Variants in CATSPERT observed in about 807,000 individuals in gnomAD.
CATSPERT encodes the protein cation channel sperm-associated targeting subunit tau.
the CATSPERT span, among the ~76,000 whole-genome samples, chr2:201,591,893 A>G: frequency 2.6e-5 from 4 of 151,728 alleles, no homozygotes; most frequent in Non-Finnish European, 5.9e-5. Flanking sequence ...GGGCTGAGAC[A>G]ATGGGGTTTT....
chr2:201,549,245 A>C, the CATSPERT span, among the ~76,000 whole-genome samples: 1 of 152,134 alleles, frequency 6.6e-6, no homozygotes, highest in African/African-American at 2.4e-5. Context: ...GTAAGACCTT[A>C]CACTTCTGGT....
chr2:201,589,244 A>G, the CATSPERT span, among the ~76,000 whole-genome samples: 2 of 152,096 alleles, frequency 1.3e-5, no homozygotes, highest in African/African-American at 2.4e-5. Context: ...TCAAAGAACT[A>G]GAGAAAACTA....
At chr2:201,590,183 T>A in the CATSPERT span, among the ~76,000 whole-genome samples, 4 of 149,200 alleles carry the variant, frequency 2.7e-5, no homozygotes, top group Non-Finnish European at 4.5e-5. Context: ...CCCCTTCCTG[T>A]GTCCATGTGT....
At chr2:201,614,740 G>C in the CATSPERT span, among the ~76,000 whole-genome samples, 11 of 152,090 alleles carry the variant, frequency 7.2e-5, no homozygotes, top group South Asian at 1.0e-3. Flanking sequence ...GGGCTAAATG[G>C]TCCAATTAAA....
At chr2:201,513,978 T>C in the CATSPERT span, among the ~76,000 whole-genome samples, 1 of 152,098 alleles carries the variant, frequency 6.6e-6, no homozygotes, top group Non-Finnish European at 1.5e-5. Context: ...GAAAGATAAA[T>C]AAGAATGTGT....
the CATSPERT span, among the ~76,000 whole-genome samples, chr2:201,616,048 A>G: frequency 4.7e-4 from 71 of 152,352 alleles, no homozygotes; most frequent in Non-Finnish European, 9.6e-4. Context: ...CAGGTTCTGA[A>G]ATTGAGACAA....
the CATSPERT span, among the ~76,000 whole-genome samples, chr2:201,549,253 G>C: frequency 6.6e-6 from 1 of 151,740 alleles, no homozygotes; most frequent in African/African-American, 2.4e-5. Flanking sequence ...TTACACTTCT[G>C]GTCCACTACA....
the CATSPERT span, chr2:201,604,692 C>T: frequency 6.3e-7 from 1 of 1,591,218 alleles, no homozygotes; most frequent in Non-Finnish European, 8.5e-7. Context: ...GAGTTTTTCT[C>T]AGCATCTACA....
chr2:201,608,813 T>C, the CATSPERT span, among the ~76,000 whole-genome samples: 1 of 131,980 alleles, frequency 7.6e-6, no homozygotes, highest in East Asian at 2.1e-4. Flanking sequence ...TAAGATCCTG[T>C]CTCAAAAAAA....
chr2:201,521,229 T>A, the CATSPERT span, among the ~76,000 whole-genome samples: 1 of 152,182 alleles, frequency 6.6e-6, no homozygotes, highest in African/African-American at 2.4e-5. Flanking sequence ...CAGATAAAAC[T>A]CTTTGTATTA....
At chr2:201,591,816 G>A in the CATSPERT span, among the ~76,000 whole-genome samples, 6 of 151,922 alleles carry the variant, frequency 3.9e-5, no homozygotes, top group Admixed American at 6.6e-5. Context: ...GAATGCTTGC[G>A]ATTTTTGTAC....
chr2:201,494,125 T>C, the CATSPERT span: 1 of 1,534,012 alleles, frequency 6.5e-7, no homozygotes, highest in East Asian at 2.4e-5. Flanking sequence ...TAAAATGTCT[T>C]TTTCTGAAAG....
At chr2:201,499,036 C>G in the CATSPERT span, among the ~76,000 whole-genome samples, 14 of 151,966 alleles carry the variant, frequency 9.2e-5, no homozygotes, top group African/African-American at 3.1e-4. Context: ...GCCATCCTAC[C>G]TGCCATCTTC....
chr2:201,534,624 G>A, the CATSPERT span: 20 of 984,956 alleles, frequency 2.0e-5, no homozygotes, highest in African/African-American at 2.8e-4. Context: ...GCAAAAAAAA[G>A]TGTTAATCAT....
the CATSPERT span, among the ~76,000 whole-genome samples, chr2:201,576,261 A>C: frequency 2.0e-5 from 3 of 152,238 alleles, no homozygotes; most frequent in African/African-American, 7.2e-5. Context: ...AAATAAAAAA[A>C]TAAAGACTAT....
At chr2:201,518,894 G>C in the CATSPERT span, among the ~76,000 whole-genome samples, 1 of 152,132 alleles carries the variant, frequency 6.6e-6, no homozygotes, top group Non-Finnish European at 1.5e-5. Context: ...TCTGGAAGGG[G>C]ACATGGAGAC....
chr2:201,574,513 AT>A, the CATSPERT span, among the ~76,000 whole-genome samples: 1 of 152,192 alleles, frequency 6.6e-6, no homozygotes, highest in Non-Finnish European at 1.5e-5. Context: ...AATATGGAAA[AT>A]ATCAACTTCT....
chr2:201,558,207 G>A, the CATSPERT span: 5 of 152,016 alleles, frequency 3.3e-5, no homozygotes, highest in Admixed American at 6.5e-5. Flanking sequence ...TAATTAATTC[G>A]CTAAATGTTT....
At chr2:201,532,972 C>A in the CATSPERT span, among the ~76,000 whole-genome samples, 385 of 152,230 alleles carry the variant, frequency 2.5e-3, 1 homozygote, top group African/African-American at 9.0e-3. Context: ...CTCAGCTAGA[C>A]AAAAATTATT....
Sources: allele counts gnomAD v4.1 joint callset (sites outside exome capture counted in the v4.1 genomes callset), GRCh38; gene constraint gnomAD v4.1.1; transcripts MANE v1.5; gene names NCBI Gene and HGNC (gene_info 2026-07-23, HGNC 2026-07-21).